The following MACROD2 variants were observed in gnomAD, a reference collection of about 807,000 sequenced individuals.
MACROD2 encodes the protein mono-ADP ribosylhydrolase 2, also known as ADP-ribose glycohydrolase MACROD2.
Under a neutral mutation model 70.4 loss-of-function variants are expected in MACROD2, and 36 were observed. That is an observed-to-expected ratio of 0.51 (90% CI 0.39 to 0.68). The LOEUF (loss-of-function observed/expected upper bound fraction) is 0.68, where lower values mean the gene tolerates loss of function less well. MACROD2 is among the 30% of genes least tolerant of loss of function. The probability of loss-of-function intolerance (pLI) is 0.00; values close to 1 mark genes in which losing one functional copy is unlikely to be tolerated. For synonymous variants in MACROD2, 172 were observed against 178.8 expected (o/e 0.96, Z 0.30); for missense variants, 496 against 538.4 (o/e 0.92, Z 0.78).
At chr20:14,291,388 T>C (rs538466635) in intron 3 of MACROD2, among the ~76,000 whole-genome samples, 41 of 149,150 alleles carry the variant, frequency 2.7e-4, no homozygotes, top group Non-Finnish European at 5.3e-4. Context: ...TGTGTAAAAT[T>C]TGAGTATTTG....
At chr20:14,797,502 G>A (rs1350083815) in intron 5 of MACROD2, among the ~76,000 whole-genome samples, 2 of 151,830 alleles carry the variant, frequency 1.3e-5, no homozygotes, top group East Asian at 3.9e-4. Context: ...CACCCTCAGC[G>A]CCTTTGTGCC....
At chr20:15,659,262 G>A (rs562437314) in intron 8 of MACROD2, among the ~76,000 whole-genome samples, 1 of 145,686 alleles carries the variant, frequency 6.9e-6, no homozygotes, top group East Asian at 2.0e-4. Context: ...GTGCATGCCT[G>A]CCTTCTGCAG....
At chr20:15,549,843 A>G (rs1231703743) in intron 8 of MACROD2, among the ~76,000 whole-genome samples, 1 of 150,848 alleles carries the variant, frequency 6.6e-6, no homozygotes, top group African/African-American at 2.5e-5. Flanking sequence ...TTTTCTATCT[A>G]TGTGCATATC....
chr20:16,044,762 G>T, intron 17 of MACROD2, 123 bp downstream of exon 17: 1 of 833,094 alleles, frequency 1.2e-6, no homozygotes. Context: ...GATAAACCTT[G>T]AAAATCTTTA....
intron 2 of MACROD2, among the ~76,000 whole-genome samples, chr20:14,068,971 T>C (rs969517995): frequency 6.6e-6 from 1 of 152,212 alleles, no homozygotes; most frequent in Non-Finnish European, 1.5e-5. Context: ...TGTTTTGAGA[T>C]GGAGTCTGGC....
At chr20:14,445,366 C>T (rs2084171968) in intron 3 of MACROD2, among the ~76,000 whole-genome samples, 2 of 152,086 alleles carry the variant, frequency 1.3e-5, no homozygotes, top group African/African-American at 2.4e-5. Context: ...CTCTTTTGCA[C>T]AATTTTCCCA....
At chr20:14,224,418 T>G (rs1457196197) in intron 3 of MACROD2, among the ~76,000 whole-genome samples, 4 of 152,228 alleles carry the variant, frequency 2.6e-5, no homozygotes, top group Non-Finnish European at 5.9e-5. Context: ...TTTTATCTGT[T>G]GCAGACTGCT....
chr20:14,334,666 G>T, intron 3 of MACROD2, among the ~76,000 whole-genome samples: 1 of 151,182 alleles, frequency 6.6e-6, no homozygotes, highest in African/African-American at 2.4e-5. Context: ...GGTGGGGGGT[G>T]GGAGGGAAGG....
At chr20:15,218,451 GA>G (rs1424291339) in intron 5 of MACROD2, among the ~76,000 whole-genome samples, 1 of 152,156 alleles carries the variant, frequency 6.6e-6, no homozygotes, top group African/African-American at 2.4e-5. Context: ...TTCTGCAAAG[GA>G]GTAAGCATGA....
intron 8 of MACROD2, among the ~76,000 whole-genome samples, chr20:15,816,342 C>G (rs1441937586): frequency 6.6e-6 from 1 of 152,046 alleles, no homozygotes; most frequent in African/African-American, 2.4e-5. Context: ...CTCCATCGAA[C>G]CCCCAAATTG....
intron 3 of MACROD2, chr20:14,327,386 A>C (rs771467514): frequency 2.5e-5 from 41 of 1,613,584 alleles, no homozygotes; most frequent in Non-Finnish European, 3.5e-5. Context: ...CAGTAAATGA[A>C]ACCCGCATCG....
chr20:14,176,871 A>T (rs1427430804), intron 3 of MACROD2, among the ~76,000 whole-genome samples: 2 of 152,196 alleles, frequency 1.3e-5, no homozygotes, highest in Non-Finnish European at 1.5e-5. Flanking sequence ...TGTTTCGATT[A>T]TATATTGCTG....
chr20:14,619,431 AAGGG>A (rs1246856893), intron 4 of MACROD2, among the ~76,000 whole-genome samples: 4 of 5,528 alleles, frequency 7.2e-4, no homozygotes, highest in Non-Finnish European at 2.5e-3. Context: ...GGAAGGAAGG[AAGGG>A]AGGGAGGGAG....
At chr20:15,131,126 G>A (rs976762584) in intron 5 of MACROD2, among the ~76,000 whole-genome samples, 36 of 152,038 alleles carry the variant, frequency 2.4e-4, no homozygotes, top group Admixed American at 1.8e-3. Flanking sequence ...GAATTGACCC[G>A]TATTCTAATC....
chr20:15,259,708 AATT>A (rs2077231416), intron 6 of MACROD2, among the ~76,000 whole-genome samples: 1 of 152,012 alleles, frequency 6.6e-6, no homozygotes, highest in South Asian at 2.1e-4. Context: ...CAGAGCCTCT[AATT>A]ATTCAACATT....
intron 8 of MACROD2, among the ~76,000 whole-genome samples, chr20:15,776,905 A>G (rs1024824098): frequency 1.3e-5 from 2 of 152,202 alleles, no homozygotes; most frequent in African/African-American, 4.8e-5. Context: ...AGAGATTGCA[A>G]TCACTATAAG....
At chr20:14,239,026 CAAAAAAAAAAAA>C (rs55763322) in intron 3 of MACROD2, among the ~76,000 whole-genome samples, 1 of 82,402 alleles carries the variant, frequency 1.2e-5, no homozygotes, top group African/African-American at 4.7e-5. Flanking sequence ...GACTCCGTCT[CAAAAAAAAAAAA>C]AAAAAAAAAA....
intron 11 of MACROD2, among the ~76,000 whole-genome samples, chr20:15,935,061 G>A (rs539234639): frequency 4.6e-5 from 7 of 151,934 alleles, no homozygotes; most frequent in East Asian, 1.9e-4. Flanking sequence ...TCACACACAC[G>A]TATGCATGCA....
intron 6 of MACROD2, among the ~76,000 whole-genome samples, chr20:15,241,095 G>A (rs956191363): frequency 3.9e-5 from 6 of 152,108 alleles, no homozygotes; most frequent in Admixed American, 2.6e-4. Flanking sequence ...CCGTAACAAA[G>A]CAAACTTAAA....
Sources: allele counts gnomAD v4.1 joint callset (sites outside exome capture counted in the v4.1 genomes callset), GRCh38; gene constraint gnomAD v4.1.1; transcripts MANE v1.5; gene names NCBI Gene and HGNC (gene_info 2026-07-23, HGNC 2026-07-21).